ELF2: variants seen among roughly 807,000 people sequenced by gnomAD.
The protein encoded by ELF2 is E74 like ETS transcription factor 2.
A neutral mutation model predicts 54.8 loss-of-function variants in ELF2; 11 were observed. That is an observed-to-expected ratio of 0.20 (90% CI 0.13 to 0.33). ELF2 has a LOEUF of 0.33. Among genes scored for constraint, ELF2 ranks in the 10% least tolerant of loss-of-function variants. The pLI, the probability that ELF2 is intolerant of heterozygous loss-of-function variation, is 1.00. For missense variants in ELF2, 513 were observed against 703.0 expected (o/e 0.73, Z 3.06); for synonymous variants, 203 against 245.1 (o/e 0.83, Z 1.61).
rs149289259 is a variant in ELF2, at chr4:139,160,210, G to A, written c.-252+16757C>T. Among the ~76,000 whole-genome samples the A allele has an allele frequency of 2.7e-3, 407 of 152,218 alleles. 2 individuals carry two copies. Among genetic ancestry groups the A allele is most frequent in the African/African-American group, 9.1e-3 (380 of 41,532 alleles). ...AAATTAGCTGGGCGTGGTGGTGGGCGCCTGTAGTCAGTTACTGGGAACACT... is the reference window on the plus strand; with the variant it reads ...AAATTAGCTGGGCGTGGTGGTGGGCACCTGTAGTCAGTTACTGGGAACACT... On this transcript the variant is annotated intron_variant, in intron 1 of 9. Coordinates refer to ENST00000686138, the MANE Select transcript of ELF2 (RefSeq NM_001331036.3).
chr4:139,126,949 G>T (rs1481095073), intron 3 of ELF2, among the ~76,000 whole-genome samples: 1 of 152,164 alleles, frequency 6.6e-6, no homozygotes, highest in Non-Finnish European at 1.5e-5. Flanking sequence ...ATTCCACGAT[G>T]CTAGCTATGC....
At chr4:139,084,416 G>C in intron 4 of ELF2, 1 of 1,295,528 alleles carries the variant, frequency 7.7e-7, no homozygotes, top group Non-Finnish European at 9.8e-7. Context: ...CCTAACGGCA[G>C]GGGCAGGGGC....
At chr4:139,171,473 CA>C (rs569141681) in intron 1 of ELF2, among the ~76,000 whole-genome samples, 6 of 149,254 alleles carry the variant, frequency 4.0e-5, no homozygotes, top group South Asian at 2.1e-4. Context: ...TGCTTTTTCA[CA>C]AAAAAAAATT....
intron 3 of ELF2, among the ~76,000 whole-genome samples, chr4:139,127,304 A>G (rs1418385917): frequency 6.6e-6 from 1 of 152,178 alleles, no homozygotes; most frequent in African/African-American, 2.4e-5. Flanking sequence ...TACCCAGCCC[A>G]TACCATACTG....
intron 1 of ELF2, among the ~76,000 whole-genome samples, chr4:139,149,706 G>T (rs1382298268): frequency 6.6e-6 from 1 of 152,124 alleles, no homozygotes; most frequent in Non-Finnish European, 1.5e-5. Flanking sequence ...CCGAAAGGGT[G>T]TATATGATTT....
intron 4 of ELF2, among the ~76,000 whole-genome samples, chr4:139,124,673 A>C (rs1736729953): frequency 6.6e-6 from 1 of 152,204 alleles, no homozygotes; most frequent in African/African-American, 2.4e-5. Flanking sequence ...AAATACTAAG[A>C]TCTCTAAGAC....
At chr4:139,089,023 C>G (rs1298971920) in intron 4 of ELF2, among the ~76,000 whole-genome samples, 1 of 152,218 alleles carries the variant, frequency 6.6e-6, no homozygotes, top group African/African-American at 2.4e-5. Flanking sequence ...TCCCAAAGTG[C>G]TGGGATTACA....
At chr4:139,170,894 C>T (rs1742242629) in intron 1 of ELF2, among the ~76,000 whole-genome samples, 1 of 151,824 alleles carries the variant, frequency 6.6e-6, no homozygotes, top group Admixed American at 6.6e-5. Flanking sequence ...TACAGGCATG[C>T]GCCACCACCT....
chr4:139,100,566 C>G (rs1373484634), intron 4 of ELF2: 1 of 152,214 alleles, frequency 6.6e-6, no homozygotes, highest in African/African-American at 2.4e-5. Context: ...GGAAACAGAG[C>G]AAGTCAAAAC....
At chr4:139,152,777 C>G (rs1241351920) in intron 1 of ELF2, among the ~76,000 whole-genome samples, 37 of 151,624 alleles carry the variant, frequency 2.4e-4, no homozygotes, top group Admixed American at 2.4e-3. Flanking sequence ...TTCTAATTCA[C>G]ATTTTAGTTG....
At chr4:139,076,178 G>A (rs1042262556) in intron 4 of ELF2, among the ~76,000 whole-genome samples, 4 of 152,188 alleles carry the variant, frequency 2.6e-5, no homozygotes, top group South Asian at 2.1e-4. Flanking sequence ...TCATCCACAA[G>A]GTACTGGGTC....
At chr4:139,107,083 A>G (rs1171087977) in intron 4 of ELF2, among the ~76,000 whole-genome samples, 24 of 152,174 alleles carry the variant, frequency 1.6e-4, no homozygotes, top group African/African-American at 5.3e-4. Context: ...TTCCTTTTTA[A>G]TCCTAGATAT....
chr4:139,109,003 T>C (rs371158207), intron 4 of ELF2, among the ~76,000 whole-genome samples: 3 of 152,154 alleles, frequency 2.0e-5, no homozygotes, highest in African/African-American at 7.2e-5. Context: ...AAGAAAAACA[T>C]CATGGAAAGT....
intron 4 of ELF2, among the ~76,000 whole-genome samples, chr4:139,103,460 A>G (rs947729580): frequency 5.9e-5 from 9 of 152,230 alleles, no homozygotes; most frequent in Non-Finnish European, 1.2e-4. Context: ...TGACTTAATC[A>G]ATCATGCCTA....
At chr4:139,078,120 C>A (rs1224675532) in intron 4 of ELF2, among the ~76,000 whole-genome samples, 1 of 152,162 alleles carries the variant, frequency 6.6e-6, no homozygotes, top group Non-Finnish European at 1.5e-5. Context: ...CTATTCCAGA[C>A]TCACTCAACA....
intron 4 of ELF2, chr4:139,101,749 T>G (rs886223419): frequency 6.6e-6 from 1 of 152,226 alleles, no homozygotes; most frequent in Admixed American, 6.5e-5. Flanking sequence ...TCCTTTTTTA[T>G]GGAGGCCTCC....
In ELF2 at chr4:139,083,993, C is replaced by G. The variant is rs1368600929; in HGVS notation, c.239-10426G>C. 19 of 1,416,608 alleles carry G rather than the reference C, an allele frequency of 1.3e-5. No homozygotes were observed. In the East Asian group the frequency reaches 3.2e-4, roughly 24 times the overall value. The allele number at this position is 1,416,608 out of a possible 1,614,324, so 87.8% of individuals were successfully genotyped here. ...GCCTCCATTACTTCATTCACTCCCC[C>G]CTTTCCCCCAGCCGCCCCAGTGACT... On this transcript the variant is annotated intron_variant, in intron 4 of 9. Transcript: ENST00000686138.
intron 1 of ELF2, among the ~76,000 whole-genome samples, chr4:139,159,427 A>AC (rs1286181421): frequency 6.6e-6 from 1 of 152,214 alleles, no homozygotes; most frequent in Admixed American, 6.5e-5. Context: ...TGGTCCAAGA[A>AC]CCATTTGCCT....
At chr4:139,124,735 T>C (rs1235218499) in intron 4 of ELF2, among the ~76,000 whole-genome samples, 1 of 152,168 alleles carries the variant, frequency 6.6e-6, no homozygotes, top group Non-Finnish European at 1.5e-5. Flanking sequence ...GCTTCTGATA[T>C]TAATGAAAAG....
Sources: gnomAD v4.1 joint callset for allele counts (sites outside exome capture counted in the v4.1 genomes callset) on GRCh38, gnomAD v4.1.1 for gene constraint, MANE v1.5 for transcripts, NCBI Gene and HGNC (gene_info 2026-07-23, HGNC 2026-07-21) for gene names.